The following LRP3 variants were observed in gnomAD, a reference collection of about 807,000 sequenced individuals.
LRP3 encodes low-density lipoprotein receptor-related protein 3.
Under a neutral mutation model 58.5 loss-of-function variants are expected in LRP3, and 49 were observed. The observed-to-expected ratio is 0.84, with a 90% CI of 0.67 to 1.06. The LOEUF (loss-of-function observed/expected upper bound fraction) is 1.06. Ranked by LOEUF, LRP3 falls within the 50% of genes least tolerant of loss-of-function variation. LRP3 has a pLI of 0.00. For missense variants in LRP3, 1,019 were observed against 1,134.2 expected (o/e 0.90, Z 1.46); for synonymous variants, 485 against 492.2 (o/e 0.99, Z 0.20).
At position 33,194,363 on chromosome 19, in the gene LRP3, G is replaced by A. The variant is rs963134813; in HGVS notation, c.-423G>A. Among the ~76,000 whole-genome samples, 3 of 145,752 alleles carry A rather than the reference G, an allele frequency of 2.1e-5. No individual in the cohort carries two copies. Among genetic ancestry groups the A allele is most frequent in the Admixed American group, 2.0e-4 (3 of 14,732 alleles). Reference sequence around the variant, plus strand: ...CACGGACGCTCTACCGGCGGCACCCGGCCGGGCGGGCTGGGCGCAGCGCGG... The same window carrying A: ...CACGGACGCTCTACCGGCGGCACCCAGCCGGGCGGGCTGGGCGCAGCGCGG... On this transcript the variant is annotated 5_prime_UTR_variant, in exon 1 of 7. Transcript: ENST00000253193.
Position 33,194,837 on chromosome 19 carries a change from C to T in LRP3, c.52C>T (p.Gln18Ter). 9.0e-7 allele frequency: 1 copy of T among 1,115,408 alleles called. No homozygotes were observed. The highest frequency in any genetic ancestry group is 1.1e-6 in the Non-Finnish European group (1 of 914,612). The allele number at this position is 1,115,408 out of a possible 1,614,324, so 69.1% of individuals were successfully genotyped here. The change falls in exon 1 of 7, where the codon CAG becomes TAG. Residue 18 changes from glutamine (Q) to a stop codon, truncating the protein, a stop_gained. Coordinates refer to ENST00000253193, the MANE Select transcript of LRP3 (RefSeq NM_002333.4). LOFTEE classifies it high-confidence loss of function. ...GGAGGGCGCGCCGGGCGCCCGGGCG[C>T]AGCTGGCCGTCGTCTGTCTGGGTGA... is the stretch of plus-strand genomic sequence containing the variant. ...GLEGAPGARAQLAVVCLVNIF... is the reference protein window; with the variant it reads ...GLEGAPGARA
intron 1 of LRP3, 99 bp from the exon 2 acceptor site, chr19:33,196,631 C>T (rs772987007): frequency 4.6e-5 from 50 of 1,096,292 alleles, no homozygotes; most frequent in Non-Finnish European, 6.3e-5. Context: ...AGGGGACCAG[C>T]GGGCCAGCCT....
chr19:33,197,614 G>A (rs576129517), intron 2 of LRP3, among the ~76,000 whole-genome samples: 5 of 152,232 alleles, frequency 3.3e-5, no homozygotes, highest in East Asian at 1.9e-4. Context: ...GTGACAGAGC[G>A]AGACCCTGTC....
rs751130522 is a variant in LRP3 at position 33,206,108 on chromosome 19, C to T, written c.1338C>T (p.Gly446=). ...RCNNQKSCPD[G]ADEKNCFSCQ... ...ACAACCAGAAAAGCTGTCCCGACGG[C>T]GCCGACGAGAAGAACTGCTTCTCCT... Residue 446 remains glycine (G), a synonymous_variant, in exon 5 of 7, where the codon GGC becomes GGT. Transcript: ENST00000253193. The T allele has an allele frequency of 5.0e-6, 8 of 1,609,540 alleles. No homozygotes were observed. The highest frequency in any genetic ancestry group is 2.2e-5 in the East Asian group (1 of 44,754).
chr19:33,203,553 C>T (rs146990927), intron 3 of LRP3, among the ~76,000 whole-genome samples: 170 of 152,344 alleles, frequency 1.1e-3, no homozygotes, highest in Middle Eastern at 6.8e-3. Flanking sequence ...AATGCATGCA[C>T]GCAAGTGTGT....
At chr19:33,202,798 G>A (rs751997174) in intron 2 of LRP3, 50 bp from the exon 3 acceptor site, 50 of 1,542,104 alleles carry the variant, frequency 3.2e-5, no homozygotes, top group Non-Finnish European at 3.9e-5. Context: ...ACTGCAACCC[G>A]CATCCCAACC....
intron 3 of LRP3, 149 bp downstream of exon 3, chr19:33,203,135 G>A (rs1974359718): frequency 1.0e-6 from 1 of 991,022 alleles, no homozygotes; most frequent in East Asian, 2.6e-5. Context: ...GCATGTGTGT[G>A]AGCATATGAG....
chr19:33,200,142 C>T (rs903764863), intron 2 of LRP3, among the ~76,000 whole-genome samples: 1 of 152,246 alleles, frequency 6.6e-6, no homozygotes, highest in Non-Finnish European at 1.5e-5. Context: ...GGGGACCATA[C>T]CACTTCAGCC....
intron 6 of LRP3, 36 bp from the exon 7 acceptor site, chr19:33,206,952 C>T (rs377671415): frequency 2.0e-5 from 28 of 1,398,928 alleles, no homozygotes; most frequent in Middle Eastern, 2.6e-4. Flanking sequence ...CCCCCTCAGC[C>T]GCATCCCCCC....
chr19:33,202,797 C>G lies in LRP3; in HGVS notation c.122-51C>G, dbSNP rs2303095. The G allele has an allele frequency of 1.4e-3, 2,107 of 1,540,712 alleles. 17 individuals are homozygous for G. The African/African-American group carries it at 0.025, about 18-fold the overall frequency. Reference sequence around the variant, plus strand: ...AAGCCCCCTTCCCCCCACTGCAACCCGCATCCCAACCAAAGATGGGCCGGC... The same window carrying G: ...AAGCCCCCTTCCCCCCACTGCAACCGGCATCCCAACCAAAGATGGGCCGGC... On this transcript the variant is annotated intron_variant, in intron 2 of 6. Transcript: ENST00000253193.
intron 1 of LRP3, 75 bp from the exon 2 acceptor site, chr19:33,196,655 G>T (rs566854596): frequency 7.4e-7 from 1 of 1,360,014 alleles, no homozygotes; most frequent in South Asian, 1.2e-5. Context: ...GTTTAGCTGT[G>T]GTGTCCCTCA....
intron 2 of LRP3, among the ~76,000 whole-genome samples, chr19:33,200,471 T>TC (rs1160974246): frequency 6.6e-6 from 1 of 152,036 alleles, no homozygotes; most frequent in Non-Finnish European, 1.5e-5. Flanking sequence ...CCTCAAATTA[T>TC]CCCCCCGCCT....
chr19:33,194,739 C>G lies in LRP3; in HGVS notation c.-47C>G. ...CCGGAGCCGCAGCCGGAACCGGAGC[C>G]GGAGCCGCGGGGCAGGAGGCGGCGC... On this transcript the variant is annotated 5_prime_UTR_variant, in exon 1 of 7. Coordinates refer to ENST00000253193, the MANE Select transcript of LRP3 (RefSeq NM_002333.4). The G allele has an allele frequency of 1.4e-6, 1 of 700,212 alleles. No homozygotes were observed. Among genetic ancestry groups the G allele is most frequent in the Non-Finnish European group, 1.8e-6 (1 of 569,918 alleles). The allele number at this position is 700,212 out of a possible 1,614,324, so 43.4% of individuals were successfully genotyped here. A position where few individuals can be genotyped will look rare whatever the true frequency, so the allele number is the denominator to read the frequency against.
intron 4 of LRP3, 179 bp downstream of exon 4, chr19:33,205,031 C>G: frequency 2.7e-6 from 2 of 742,260 alleles, no homozygotes; most frequent in Non-Finnish European, 4.3e-6. Flanking sequence ...TTGGACCTCT[C>G]AAGGTCACTG....
At chr19:33,206,466 G>T in intron 5 of LRP3, 104 bp downstream of exon 5, 1 of 1,594,582 alleles carries the variant, frequency 6.3e-7, no homozygotes, top group South Asian at 1.1e-5. Flanking sequence ...TAGCTACATG[G>T]AGGCTGCCCT....
intron 2 of LRP3, among the ~76,000 whole-genome samples, chr19:33,201,621 G>C (rs947931139): frequency 6.6e-6 from 1 of 152,140 alleles, no homozygotes; most frequent in Admixed American, 6.5e-5. Context: ...CCATGGGAGA[G>C]TGAGGAGAGA....
chr19:33,202,499 A>G (rs575932153), intron 2 of LRP3, among the ~76,000 whole-genome samples: 2 of 152,052 alleles, frequency 1.3e-5, no homozygotes, highest in African/African-American at 4.8e-5. Flanking sequence ...GGGATTCTCC[A>G]CTGACCCGAG....
intron 4 of LRP3, 28 bp from the exon 5 acceptor site, chr19:33,205,218 T>C: frequency 6.3e-7 from 1 of 1,595,040 alleles, no homozygotes; most frequent in South Asian, 1.1e-5. Flanking sequence ...GTCTCCTGAC[T>C]GTCCCCTGCT....
intron 3 of LRP3, 38 bp from the exon 4 acceptor site, chr19:33,204,600 T>G: frequency 6.8e-7 from 1 of 1,460,670 alleles, no homozygotes. Context: ...AGATCCCACC[T>G]ACTGCCTCAT....
Sources: gnomAD v4.1 joint callset for allele counts (sites outside exome capture counted in the v4.1 genomes callset) on GRCh38, gnomAD v4.1.1 for gene constraint, MANE v1.5 for transcripts, NCBI Gene and HGNC (gene_info 2026-07-23, HGNC 2026-07-21) for gene names.